The following C1QTNF3 variants were observed in gnomAD, a reference collection of about 807,000 sequenced individuals.
C1QTNF3 encodes the protein complement C1q tumor necrosis factor-related protein 3.
C1QTNF3 carries 26 observed loss-of-function variants against 32.6 expected under a neutral mutation model. The ratio of observed to expected loss-of-function variants is 0.80; its 90% confidence interval spans 0.58 to 1.11. The LOEUF (loss-of-function observed/expected upper bound fraction) is 1.11. Among genes scored for constraint, C1QTNF3 ranks in the 50% least tolerant of loss-of-function variants. C1QTNF3 has a pLI of 0.00. For missense variants in C1QTNF3, 362 were observed against 398.2 expected, an observed-to-expected ratio of 0.91 and a Z score of 0.77; for synonymous variants, 155 against 146.0, an observed-to-expected ratio of 1.06 and a Z score of -0.44.
In C1QTNF3 at chr5:34,033,075, A is replaced by C. The variant is rs369370559; in HGVS notation, c.570+229T>G. The C allele has an allele frequency of 2.6e-4, 122 of 466,400 alleles. 1 individual carries two copies. The South Asian group carries it at 4.7e-3, about 18-fold the overall frequency. 28.9% of individuals were successfully genotyped at this position (466,400 alleles called of 1,614,324 possible). A position where few individuals can be genotyped will look rare whatever the true frequency, so the allele number is the denominator to read the frequency against. ...TTGGATTTGGTTCTATGAGGGACTT[A>C]GATTTCACCCTTCATAAATGTCTCT... On this transcript the variant is annotated intron_variant, in intron 3 of 5. Coordinates refer to ENST00000382065, the MANE Select transcript of C1QTNF3 (RefSeq NM_181435.6).
the C1QTNF3 span, among the ~76,000 whole-genome samples, chr5:34,163,954 T>C: frequency 6.6e-6 from 1 of 152,222 alleles, no homozygotes; most frequent in African/African-American, 2.4e-5. Flanking sequence ...AATTGATTTT[T>C]ATTTTAGGAC....
chr5:34,084,549 T>C, the C1QTNF3 span, among the ~76,000 whole-genome samples: 89 of 151,556 alleles, frequency 5.9e-4, 4 homozygotes, highest in African/African-American at 2.1e-3. Context: ...CGAAGCTTCT[T>C]AATTGCATTG....
At chr5:34,139,569 T>G in the C1QTNF3 span, among the ~76,000 whole-genome samples, 1 of 152,034 alleles carries the variant, frequency 6.6e-6, no homozygotes, top group Admixed American at 6.6e-5. Flanking sequence ...TCTATACAGA[T>G]CTTGGTATAA....
the C1QTNF3 span, among the ~76,000 whole-genome samples, chr5:34,124,777 A>C: frequency 1.3e-5 from 2 of 152,216 alleles, no homozygotes; most frequent in African/African-American, 2.4e-5. Context: ...AGACTTCCTC[A>C]AATAGTTTTT....
chr5:34,208,949 AT>A, the C1QTNF3 span, among the ~76,000 whole-genome samples: 1 of 152,170 alleles, frequency 6.6e-6, no homozygotes, highest in African/African-American at 2.4e-5. Flanking sequence ...ACCAGGGACC[AT>A]TTGTCAATGT....
rs539533323 is a variant in C1QTNF3 at position 34,024,605 on chromosome 5, A to G, written c.701-597T>C. Among the ~76,000 whole-genome samples the G allele has an allele frequency of 1.4e-4, 22 of 152,352 alleles. 2 individuals carry two copies. The South Asian group carries it at 4.6e-3, about 32-fold the overall frequency. On this transcript the variant is annotated intron_variant, in intron 4 of 5. Coordinates refer to ENST00000382065, the MANE Select transcript of C1QTNF3 (RefSeq NM_181435.6). ...AAACAGAAAGACCCAACTTAGACTC[A>G]GCAACAGGACCTTGTCACTAAAAGT... is the stretch of plus-strand genomic sequence containing the variant.
the C1QTNF3 span, among the ~76,000 whole-genome samples, chr5:34,112,615 G>A: frequency 6.6e-6 from 1 of 152,062 alleles, no homozygotes; most frequent in Non-Finnish European, 1.5e-5. Context: ...GCTACAGTGA[G>A]GTATGATCAT....
the C1QTNF3 span, among the ~76,000 whole-genome samples, chr5:34,075,901 G>C: frequency 1.5e-5 from 2 of 130,890 alleles, no homozygotes; most frequent in African/African-American, 2.7e-5. Context: ...GTGTGTGTGT[G>C]TGTATACACA....
At chr5:34,041,409 T>C (rs1754868996) in intron 1 of C1QTNF3, among the ~76,000 whole-genome samples, 2 of 152,208 alleles carry the variant, frequency 1.3e-5, no homozygotes, top group South Asian at 4.1e-4. Context: ...AACCTTTAAC[T>C]TCCTTCTGCT....
intron 1 of C1QTNF3, among the ~76,000 whole-genome samples, 158 bp from the exon 2 acceptor site, chr5:34,035,916 G>A (rs1025962679): frequency 6.6e-6 from 1 of 152,138 alleles, no homozygotes; most frequent in South Asian, 2.1e-4. Flanking sequence ...CAATGGCAAA[G>A]GGTCAGGGAG....
At chr5:34,052,645 G>A in the C1QTNF3 span, among the ~76,000 whole-genome samples, 4 of 152,334 alleles carry the variant, frequency 2.6e-5, no homozygotes, top group South Asian at 8.3e-4. Context: ...CATGGTTGTT[G>A]TGAAGATTAA....
intron 1 of C1QTNF3, among the ~76,000 whole-genome samples, chr5:34,041,355 G>A (rs1222745725): frequency 1.3e-5 from 2 of 152,216 alleles, no homozygotes; most frequent in Admixed American, 1.3e-4. Context: ...TTGAATTTCA[G>A]TGGCCTGCTG....
chr5:34,089,841 C>T, the C1QTNF3 span, among the ~76,000 whole-genome samples: 1 of 152,132 alleles, frequency 6.6e-6, no homozygotes, highest in Non-Finnish European at 1.5e-5. Flanking sequence ...GCCATCACTT[C>T]TATATTATAA....
At chr5:34,115,502 G>A in the C1QTNF3 span, among the ~76,000 whole-genome samples, 9 of 152,014 alleles carry the variant, frequency 5.9e-5, no homozygotes, top group East Asian at 1.2e-3. Context: ...AGGCCTAGGC[G>A]GGAGGATCAC....
upstream of C1QTNF3, among the ~76,000 whole-genome samples, chr5:34,047,644 T>C (rs1755009811): frequency 6.6e-6 from 1 of 152,246 alleles, no homozygotes; most frequent in Admixed American, 6.5e-5. Flanking sequence ...CTAAGCACAG[T>C]GAATTCTGAG....
At chr5:34,135,306 G>C in the C1QTNF3 span, among the ~76,000 whole-genome samples, 1 of 152,120 alleles carries the variant, frequency 6.6e-6, no homozygotes. Flanking sequence ...ATGTGCTGCT[G>C]GATTCAGTTT....
At chr5:34,048,473 GAGGGAACCA>G in the C1QTNF3 span, among the ~76,000 whole-genome samples, 1 of 152,160 alleles carries the variant, frequency 6.6e-6, no homozygotes, top group African/African-American at 2.4e-5. Flanking sequence ...TTGTAAGGTT[GAGGGAACCA>G]AGGGGAGAGG....
At chr5:34,094,548 CT>C in the C1QTNF3 span, among the ~76,000 whole-genome samples, 2 of 147,124 alleles carry the variant, frequency 1.4e-5, no homozygotes, top group African/African-American at 2.5e-5. Context: ...CCATTTTCCA[CT>C]TTTTTTTTCA....
the C1QTNF3 span, among the ~76,000 whole-genome samples, chr5:34,180,274 G>A: frequency 6.6e-6 from 1 of 152,328 alleles, no homozygotes; most frequent in African/African-American, 2.4e-5. Context: ...TACCCAGGAG[G>A]TAGAGGATGC....
Sources: allele counts gnomAD v4.1 joint callset (sites outside exome capture counted in the v4.1 genomes callset), GRCh38; gene constraint gnomAD v4.1.1; transcripts MANE v1.5; gene names NCBI Gene and HGNC (gene_info 2026-07-23, HGNC 2026-07-21).